RBFOX1: variants seen among roughly 807,000 people sequenced by gnomAD.
RBFOX1 encodes RNA binding protein fox-1 homolog 1.
RBFOX1 carries 8 observed loss-of-function variants against 57.7 expected under a neutral mutation model. That is an observed-to-expected ratio of 0.14 (90% CI 0.08 to 0.25). The LOEUF (loss-of-function observed/expected upper bound fraction) is 0.25, where lower values mean the gene tolerates loss of function less well. Among genes scored for constraint, RBFOX1 ranks in the 10% least tolerant of loss-of-function variants. The probability of loss-of-function intolerance (pLI) is 1.00; values close to 1 mark genes in which losing one functional copy is unlikely to be tolerated. For missense variants in RBFOX1, 611 were observed against 548.5 expected (o/e 1.11, Z -1.14); for synonymous variants, 326 against 222.4 (o/e 1.47, Z -4.15).
At chr16:7,441,826 G>A (rs1427982685) in intron 4 of RBFOX1, among the ~76,000 whole-genome samples, 3 of 151,990 alleles carry the variant, frequency 2.0e-5, no homozygotes, top group Non-Finnish European at 4.4e-5. Context: ...ACTCACCTTC[G>A]CCCAGCCTGC....
intron 3 of RBFOX1, among the ~76,000 whole-genome samples, chr16:5,777,059 C>G (rs1473942432): frequency 6.6e-6 from 1 of 152,208 alleles, no homozygotes; most frequent in Non-Finnish European, 1.5e-5. Context: ...CTCTAATGCC[C>G]TGACGTCATC....
chr16:7,455,794 AAAAAAAAG>A lies in RBFOX1; in HGVS notation c.28-62345_28-62338del, dbSNP rs1312888613. Among the ~76,000 whole-genome samples the A allele has an allele frequency of 1.4e-3, 214 of 150,734 alleles. 1 individual carries two copies. Among genetic ancestry groups the A allele is most frequent in the African/African-American group, 4.8e-3 (197 of 41,030 alleles). ...GAATGAGACTCCATCTCAAAAAAAA[AAAAAAAAG>A]AAAAAAAAGAAAAAAAAAACTGATT... On this transcript the variant is annotated intron_variant, in intron 4 of 15. Transcript: ENST00000550418.
rs557797518 is a variant in RBFOX1, at chr16:6,930,814, G to C, written c.-15-121243G>C. On this transcript the variant is annotated intron_variant, in intron 3 of 15. Coordinates refer to ENST00000550418, the MANE Select transcript of RBFOX1 (RefSeq NM_018723.4). ...AGTTTTCTCACTTTATTCAGTCTAT[G>C]AGCAAATGTCATCTTGTAAGAGAAT... 2.6e-4 allele frequency among the ~76,000 whole-genome samples: 39 copies of C among 152,166 alleles called. 1 individual carries two copies. The South Asian group carries it at 5.6e-3, about 22-fold the overall frequency.
intron 1 of RBFOX1, among the ~76,000 whole-genome samples, chr16:5,296,351 C>T (rs1355244791): frequency 6.6e-6 from 1 of 152,114 alleles, no homozygotes; most frequent in African/African-American, 2.4e-5. Context: ...AGACAGCTTC[C>T]CACACTGTCA....
At chr16:5,477,060 C>T (rs911573810) in intron 2 of RBFOX1, among the ~76,000 whole-genome samples, 2 of 152,162 alleles carry the variant, frequency 1.3e-5, no homozygotes, top group Non-Finnish European at 2.9e-5. Flanking sequence ...GTCACCCAGG[C>T]TGGAGTGTGG....
At chr16:6,538,732 T>C (rs1331521050) in intron 2 of RBFOX1, among the ~76,000 whole-genome samples, 2 of 152,196 alleles carry the variant, frequency 1.3e-5, no homozygotes, top group Non-Finnish European at 2.9e-5. Context: ...GACGACTGAA[T>C]GTGTTTGCCT....
intron 1 of RBFOX1, among the ~76,000 whole-genome samples, chr16:6,094,421 C>T (rs1020555021): frequency 1.3e-5 from 2 of 152,164 alleles, no homozygotes; most frequent in African/African-American, 4.8e-5. Flanking sequence ...ACCTAAAACG[C>T]TTGGACTCAC....
At chr16:5,322,612 G>C (rs980860187) in intron 1 of RBFOX1, among the ~76,000 whole-genome samples, 4 of 152,126 alleles carry the variant, frequency 2.6e-5, no homozygotes, top group Non-Finnish European at 5.9e-5. Flanking sequence ...TGTTCTCTTA[G>C]AGCAAGGGGA....
intron 4 of RBFOX1, among the ~76,000 whole-genome samples, chr16:5,983,974 C>T (rs1473513615): frequency 7.2e-6 from 1 of 139,074 alleles, no homozygotes; most frequent in Admixed American, 7.1e-5. Flanking sequence ...CCTTCTTCCT[C>T]TTCTTCTTCC....
intron 3 of RBFOX1, among the ~76,000 whole-genome samples, chr16:5,732,661 A>G (rs747254278): frequency 6.6e-6 from 1 of 152,208 alleles, no homozygotes; most frequent in African/African-American, 2.4e-5. Context: ...ACTACCTTCT[A>G]TGTAGTCTTT....
chr16:6,556,276 C>G (rs1312520721), intron 2 of RBFOX1, among the ~76,000 whole-genome samples: 1 of 152,152 alleles, frequency 6.6e-6, no homozygotes, highest in East Asian at 1.9e-4. Context: ...GCATCTTTGT[C>G]AGTCAGGGGG....
intron 3 of RBFOX1, among the ~76,000 whole-genome samples, chr16:5,763,326 A>G (rs1245002328): frequency 1.3e-5 from 2 of 152,202 alleles, no homozygotes; most frequent in African/African-American, 4.8e-5. Flanking sequence ...TCCTTTGTTC[A>G]TGCTGCTCGT....
chr16:6,040,016 G>GGA (rs1018223152), intron 1 of RBFOX1, among the ~76,000 whole-genome samples: 3 of 151,992 alleles, frequency 2.0e-5, no homozygotes, highest in African/African-American at 4.8e-5. Flanking sequence ...CAAGAGGTAG[G>GGA]GAGAGAGAGA....
chr16:5,849,317 C>T (rs1681165905), intron 3 of RBFOX1, among the ~76,000 whole-genome samples: 2 of 152,174 alleles, frequency 1.3e-5, no homozygotes, highest in South Asian at 2.1e-4. Context: ...ACAAGTGTCA[C>T]CAGGTATTGG....
chr16:7,504,861 A>G (rs544682003), intron 4 of RBFOX1, among the ~76,000 whole-genome samples: 62 of 140,938 alleles, frequency 4.4e-4, no homozygotes, highest in African/African-American at 1.3e-3. Flanking sequence ...CTGGAAGAAT[A>G]CCAGCTGTTC....
At chr16:5,789,674 C>T (rs1236725220) in intron 3 of RBFOX1, among the ~76,000 whole-genome samples, 4 of 152,090 alleles carry the variant, frequency 2.6e-5, no homozygotes, top group African/African-American at 9.7e-5. Context: ...ATTATTTATA[C>T]AGTTAGTATC....
intron 4 of RBFOX1, among the ~76,000 whole-genome samples, chr16:7,367,782 A>G (rs1596577132): frequency 6.6e-6 from 1 of 152,120 alleles, no homozygotes; most frequent in South Asian, 2.1e-4. Context: ...ATTTTCTGAT[A>G]TTTCAAAAGA....
intron 1 of RBFOX1, among the ~76,000 whole-genome samples, chr16:5,390,942 G>A (rs1230957264): frequency 6.6e-6 from 1 of 152,138 alleles, no homozygotes; most frequent in African/African-American, 2.4e-5. Flanking sequence ...TGGTGCGTTT[G>A]GGGGCCTTAT....
intron 1 of RBFOX1, among the ~76,000 whole-genome samples, chr16:5,367,869 A>G (rs2065762582): frequency 6.6e-6 from 1 of 152,124 alleles, no homozygotes; most frequent in East Asian, 1.9e-4. Context: ...CAGCAAGAGG[A>G]GGTTCCGTAT....
Sources: gnomAD v4.1 joint callset for allele counts (sites outside exome capture counted in the v4.1 genomes callset) on GRCh38, gnomAD v4.1.1 for gene constraint, MANE v1.5 for transcripts, NCBI Gene and HGNC (gene_info 2026-07-23, HGNC 2026-07-21) for gene names.